Variants in BRINP3 observed in about 807,000 individuals in gnomAD.
The protein encoded by BRINP3 is BMP/retinoic acid inducible neural specific 3, also known as BMP/retinoic acid-inducible neural-specific protein 3.
BRINP3 carries 19 observed loss-of-function variants against 71.0 expected under a neutral mutation model. That is an observed-to-expected ratio of 0.27 (90% CI 0.19 to 0.39). The LOEUF (loss-of-function observed/expected upper bound fraction) is 0.39, where lower values mean the gene tolerates loss of function less well. BRINP3 is among the 10% of genes least tolerant of loss of function. The pLI, the probability that BRINP3 is intolerant of heterozygous loss-of-function variation, is 1.00. For missense variants in BRINP3, 959 were observed against 940.8 expected, an observed-to-expected ratio of 1.02 and a Z score of -0.25; for synonymous variants, 380 against 337.7, an observed-to-expected ratio of 1.13 and a Z score of -1.37.
intron 1 of BRINP3, among the ~76,000 whole-genome samples, chr1:190,461,347 C>G (rs1676385843): frequency 6.6e-6 from 1 of 152,224 alleles, no homozygotes; most frequent in East Asian, 1.9e-4. Context: ...TCTTCATCTG[C>G]CTAACATTGA....
At chr1:190,164,010 T>C (rs1478938376) in intron 6 of BRINP3, among the ~76,000 whole-genome samples, 1 of 152,144 alleles carries the variant, frequency 6.6e-6, no homozygotes. Context: ...TAAATTATCT[T>C]ATGTATTTAT....
intron 2 of BRINP3, among the ~76,000 whole-genome samples, chr1:190,412,251 A>G (rs572651743): frequency 3.3e-5 from 5 of 152,038 alleles, no homozygotes; most frequent in African/African-American, 9.6e-5. Context: ...GTAATAAAAC[A>G]TCTAAATATG....
At chr1:190,343,909 C>T (rs1307603077) in intron 2 of BRINP3, among the ~76,000 whole-genome samples, 2 of 151,490 alleles carry the variant, frequency 1.3e-5, no homozygotes, top group East Asian at 3.9e-4. Context: ...GTCCATGGTG[C>T]CAAAAAATTG....
At chr1:190,288,074 ATCT>A (rs747811393) in intron 2 of BRINP3, among the ~76,000 whole-genome samples, 3 of 152,080 alleles carry the variant, frequency 2.0e-5, no homozygotes, top group African/African-American at 7.2e-5. Flanking sequence ...GCTGTTAATG[ATCT>A]TCTCATTTGA....
intron 7 of BRINP3, among the ~76,000 whole-genome samples, chr1:190,112,704 C>T (rs967969419): frequency 6.6e-6 from 1 of 152,062 alleles, no homozygotes; most frequent in Non-Finnish European, 1.5e-5. Flanking sequence ...TTTTATTCCT[C>T]ATTTTAGTTT....
At chr1:190,298,849 A>C (rs1044250719) in intron 2 of BRINP3, among the ~76,000 whole-genome samples, 2 of 152,098 alleles carry the variant, frequency 1.3e-5, no homozygotes. Context: ...GTGTTCCTCT[A>C]TATCCTTGCT....
At chr1:190,386,601 A>T (rs1337916659) in intron 2 of BRINP3, among the ~76,000 whole-genome samples, 2 of 151,990 alleles carry the variant, frequency 1.3e-5, no homozygotes, top group African/African-American at 4.8e-5. Flanking sequence ...TTTTGTAAGG[A>T]ATCAATATTG....
intron 7 of BRINP3, among the ~76,000 whole-genome samples, chr1:190,114,000 G>A (rs1227832781): frequency 3.9e-5 from 6 of 152,106 alleles, no homozygotes; most frequent in African/African-American, 1.4e-4. Flanking sequence ...GATTATACCA[G>A]TGATATAGTT....
intron 1 of BRINP3, among the ~76,000 whole-genome samples, chr1:190,460,613 T>G (rs959804530): frequency 2.0e-5 from 3 of 152,142 alleles, no homozygotes; most frequent in Admixed American, 1.3e-4. Context: ...CCTTAAGTCT[T>G]AATAAAGATA....
intron 1 of BRINP3, among the ~76,000 whole-genome samples, chr1:190,468,876 G>A (rs991150007): frequency 1.3e-5 from 2 of 149,706 alleles, no homozygotes; most frequent in African/African-American, 4.9e-5. Context: ...TTTTTTTTCA[G>A]GAGACCCTTT....
intron 6 of BRINP3, among the ~76,000 whole-genome samples, chr1:190,212,690 T>A (rs1409131296): frequency 6.6e-6 from 1 of 152,098 alleles, no homozygotes; most frequent in Non-Finnish European, 1.5e-5. Context: ...AATGTGATCA[T>A]AAGTAATGCG....
intron 2 of BRINP3, among the ~76,000 whole-genome samples, chr1:190,430,597 TA>T (rs202215042): frequency 0.012 from 1,771 of 152,290 alleles, 36 homozygotes; most frequent in African/African-American, 0.04. Flanking sequence ...GCCTCATAGC[TA>T]AATTGTATAA....
At chr1:190,374,765 A>T (rs909436790) in intron 2 of BRINP3, among the ~76,000 whole-genome samples, 3 of 151,998 alleles carry the variant, frequency 2.0e-5, no homozygotes, top group Admixed American at 6.6e-5. Context: ...TTGAGGAAAA[A>T]TTTAAAACAT....
At chr1:190,315,006 G>T (rs1247332433) in intron 2 of BRINP3, among the ~76,000 whole-genome samples, 1 of 152,058 alleles carries the variant, frequency 6.6e-6, no homozygotes, top group Admixed American at 6.6e-5. Context: ...GTGACATAAG[G>T]TATGTGTTTA....
At chr1:190,108,860 T>G (rs1280440324) in intron 7 of BRINP3, among the ~76,000 whole-genome samples, 1 of 151,910 alleles carries the variant, frequency 6.6e-6, no homozygotes, top group Non-Finnish European at 1.5e-5. Flanking sequence ...AAATAGGTGT[T>G]CAAAATACAC....
intron 2 of BRINP3, among the ~76,000 whole-genome samples, chr1:190,334,198 G>A (rs1667142366): frequency 6.6e-6 from 1 of 151,778 alleles, no homozygotes; most frequent in African/African-American, 2.4e-5. Context: ...GGCAAATAAA[G>A]CAGCTTGATT....
At chr1:190,344,263 C>T (rs1243613779) in intron 2 of BRINP3, among the ~76,000 whole-genome samples, 1 of 151,666 alleles carries the variant, frequency 6.6e-6, no homozygotes, top group Non-Finnish European at 1.5e-5. Context: ...ATTTCATTCC[C>T]CTTTGAGTCT....
At chr1:190,137,360 C>T (rs186326712) in intron 7 of BRINP3, among the ~76,000 whole-genome samples, 4 of 150,968 alleles carry the variant, frequency 2.6e-5, no homozygotes, top group African/African-American at 7.3e-5. Flanking sequence ...TGATCTGAGA[C>T]TGGAGGCAGG....
intron 7 of BRINP3, among the ~76,000 whole-genome samples, chr1:190,144,491 G>A (rs1571829811): frequency 6.6e-6 from 1 of 151,956 alleles, no homozygotes; most frequent in East Asian, 1.9e-4. Flanking sequence ...CCTCTAGGTG[G>A]TCATTTATTT....
Sources: allele counts gnomAD v4.1 joint callset (sites outside exome capture counted in the v4.1 genomes callset), GRCh38; gene constraint gnomAD v4.1.1; transcripts MANE v1.5; gene names NCBI Gene and HGNC (gene_info 2026-07-23, HGNC 2026-07-21).